CNTNAP2: variants seen among roughly 807,000 people sequenced by gnomAD.
CNTNAP2 encodes contactin associated protein 2, also known as contactin-associated protein-like 2.
A neutral mutation model predicts 155.2 loss-of-function variants in CNTNAP2; 98 were observed. The ratio of observed to expected loss-of-function variants is 0.63; its 90% CI spans 0.54 to 0.75. The LOEUF (loss-of-function observed/expected upper bound fraction) is 0.75. Among genes scored for constraint, CNTNAP2 ranks in the 30% least tolerant of loss-of-function variants. CNTNAP2 has a pLI of 0.00. For missense variants in CNTNAP2, 1,727 were observed against 1,688.1 expected, an observed-to-expected ratio of 1.02 and a Z score of -0.40; for synonymous variants, 651 against 631.2, an observed-to-expected ratio of 1.03 and a Z score of -0.47.
intron 8 of CNTNAP2, among the ~76,000 whole-genome samples, chr7:147,225,857 G>A (rs1420546804): frequency 3.2e-4 from 24 of 76,150 alleles, no homozygotes; most frequent in African/African-American, 1.1e-3. Context: ...GAAGGAAGGA[G>A]GGAAAGAAGG....
In CNTNAP2 at chr7:146,504,273, A is replaced by T. The variant is rs368313782; in HGVS notation, c.98-269998A>T. Among the ~76,000 whole-genome samples, 73 of 152,322 alleles carry T rather than the reference A, an allele frequency of 4.8e-4. 1 individual carries two copies. Among genetic ancestry groups the T allele is most frequent in the East Asian group, 4.5e-3 (23 of 5,162 alleles). On this transcript the variant is annotated intron_variant, in intron 1 of 23. Transcript: ENST00000361727. ...ACAACTCACTACTAGTATTCCTGCTATGCTGCCCATGATTATTAGGGTCCA... is the reference window on the plus strand; with the variant it reads ...ACAACTCACTACTAGTATTCCTGCTTTGCTGCCCATGATTATTAGGGTCCA...
At chr7:146,561,641 G>A (rs1434048947) in intron 1 of CNTNAP2, among the ~76,000 whole-genome samples, 1 of 152,160 alleles carries the variant, frequency 6.6e-6, no homozygotes, top group Non-Finnish European at 1.5e-5. Flanking sequence ...CTGGGTGACA[G>A]AGCCAAACCT....
intron 1 of CNTNAP2, among the ~76,000 whole-genome samples, chr7:146,376,636 T>C (rs1007115415): frequency 2.0e-5 from 3 of 152,176 alleles, no homozygotes; most frequent in Non-Finnish European, 4.4e-5. Flanking sequence ...TCCCAGACTT[T>C]GGTATATTTC....
chr7:147,302,329 G>A (rs1794958809), intron 9 of CNTNAP2, among the ~76,000 whole-genome samples: 1 of 152,158 alleles, frequency 6.6e-6, no homozygotes, highest in African/African-American at 2.4e-5. Context: ...ATCTAGAGGG[G>A]CGAGCACATA....
chr7:146,730,241 G>T (rs7791388), intron 1 of CNTNAP2, among the ~76,000 whole-genome samples: 4,916 of 151,692 alleles, frequency 0.032, 116 homozygotes, highest in East Asian at 0.12. Context: ...AACTCAGTTT[G>T]CTCTCTTTCC....
chr7:146,583,763 C>A (rs1461474445), intron 1 of CNTNAP2, among the ~76,000 whole-genome samples: 2 of 152,014 alleles, frequency 1.3e-5, no homozygotes, highest in Non-Finnish European at 2.9e-5. Context: ...GACCTTAGCT[C>A]TATGCTTTAT....
chr7:146,712,232 A>T (rs1203048169), intron 1 of CNTNAP2, among the ~76,000 whole-genome samples: 3 of 126,250 alleles, frequency 2.4e-5, no homozygotes, highest in African/African-American at 8.4e-5. Flanking sequence ...ACAAATATGT[A>T]TACATATCTT....
In CNTNAP2 at chr7:147,903,701, C is replaced by T. The variant is rs773833579; in HGVS notation, c.2235C>T (p.Cys745=). ...NCTDPKYYCN[C]DADYKQWRKD... is the part of the protein sequence containing the mutation. ...CAGATCCCAAGTACTACTGTAACTG[C>T]GACGCGGACTACAAGCAATGGTGAG... Residue 745 remains cysteine (C), a synonymous_variant, in exon 14 of 24, where the codon TGC becomes TGT. Coordinates refer to ENST00000361727, the MANE Select transcript of CNTNAP2 (RefSeq NM_014141.6). 1.9e-5 allele frequency: 30 copies of T among 1,613,742 alleles called. No individual in the cohort carries two copies. The highest frequency in any genetic ancestry group is 1.6e-4 in the Middle Eastern group (1 of 6,084).
intron 15 of CNTNAP2, among the ~76,000 whole-genome samples, chr7:148,102,081 A>T (rs1429013855): frequency 1.3e-5 from 2 of 152,188 alleles, no homozygotes; most frequent in East Asian, 3.8e-4. Context: ...TCACCCAGGT[A>T]CTAAGCCTAA....
intron 3 of CNTNAP2, among the ~76,000 whole-genome samples, chr7:146,944,863 G>A (rs1344942715): frequency 6.6e-6 from 1 of 151,584 alleles, no homozygotes; most frequent in African/African-American, 2.4e-5. Flanking sequence ...GGGCGACAGT[G>A]CGAGACTCCG....
At chr7:147,017,230 C>T (rs766939222) in intron 3 of CNTNAP2, among the ~76,000 whole-genome samples, 2 of 152,046 alleles carry the variant, frequency 1.3e-5, no homozygotes, top group African/African-American at 2.4e-5. Context: ...TTCCCAACAT[C>T]GCCATTTATT....
intron 8 of CNTNAP2, among the ~76,000 whole-genome samples, chr7:147,293,872 T>C (rs1010195078): frequency 3.3e-5 from 5 of 151,970 alleles, no homozygotes; most frequent in Admixed American, 2.0e-4. Flanking sequence ...GTTAGGGAGG[T>C]GTTAGAGAAA....
At position 146,531,838 on chromosome 7, in the gene CNTNAP2, C is replaced by T. The variant is rs189372342; in HGVS notation, c.98-242433C>T. ...GGGATTAGAGGCATGAGCCACCATG[C>T]CGGCCCTATAGCTTGTTTAAACAAC... On this transcript the variant is annotated intron_variant, in intron 1 of 23. Transcript: ENST00000361727. Among the ~76,000 whole-genome samples, 6 of 152,252 alleles carry T rather than the reference C, an allele frequency of 3.9e-5. No homozygotes were observed. In the East Asian group the frequency reaches 1.2e-3, roughly 29 times the overall value.
At chr7:146,863,481 CCA>C (rs1345721494) in intron 3 of CNTNAP2, among the ~76,000 whole-genome samples, 1 of 151,946 alleles carries the variant, frequency 6.6e-6, no homozygotes, top group East Asian at 1.9e-4. Flanking sequence ...CATGGTATTT[CCA>C]CAGTTAACTT....
chr7:147,968,032 G>T (rs1470317778), intron 14 of CNTNAP2, among the ~76,000 whole-genome samples: 3 of 151,982 alleles, frequency 2.0e-5, no homozygotes, highest in Non-Finnish European at 2.9e-5. Flanking sequence ...TTAGAGCTGC[G>T]CCTAGTTAAC....
intron 3 of CNTNAP2, among the ~76,000 whole-genome samples, chr7:147,024,980 C>T (rs1158039648): frequency 3.3e-5 from 5 of 151,742 alleles, no homozygotes; most frequent in Admixed American, 1.3e-4. Context: ...TCTTGCTAAA[C>T]CATTAGAAAG....
intron 9 of CNTNAP2, among the ~76,000 whole-genome samples, chr7:147,364,653 T>C (rs1796195690): frequency 6.6e-6 from 1 of 152,218 alleles, no homozygotes; most frequent in South Asian, 2.1e-4. Flanking sequence ...ATTGAGACCA[T>C]CCTGGCTAAC....
chr7:147,496,674 A>G (rs1276573777), intron 11 of CNTNAP2: 2 of 152,144 alleles, frequency 1.3e-5, no homozygotes, highest in East Asian at 3.9e-4. Flanking sequence ...TGAAATTAAG[A>G]CACCTGGATT....
At chr7:147,620,680 A>C (rs967313821) in intron 12 of CNTNAP2, among the ~76,000 whole-genome samples, 1 of 152,128 alleles carries the variant, frequency 6.6e-6, no homozygotes, top group East Asian at 1.9e-4. Flanking sequence ...GGTTATTTGA[A>C]AATGCACAGT....
Sources: gnomAD v4.1 joint callset for allele counts (sites outside exome capture counted in the v4.1 genomes callset) on GRCh38, gnomAD v4.1.1 for gene constraint, MANE v1.5 for transcripts, NCBI Gene and HGNC (gene_info 2026-07-23, HGNC 2026-07-21) for gene names.